Variants in TMIGD3 observed in about 807,000 individuals in gnomAD.
TMIGD3 encodes the protein AD026 protein (AD026).
In TMIGD3, 21 loss-of-function variants were observed where a neutral mutation model predicts 28.1. The ratio of observed to expected loss-of-function variants is 0.75; its 90% CI spans 0.53 to 1.08. The LOEUF (loss-of-function observed/expected upper bound fraction) is 1.08, where lower values mean the gene tolerates loss of function less well. TMIGD3 is among the 50% of genes least tolerant of loss of function. TMIGD3 has a pLI of 0.00. For synonymous variants in TMIGD3, 151 were observed against 162.1 expected (o/e 0.93, Z 0.52); for missense variants, 416 against 435.6 (o/e 0.96, Z 0.40).
At chr1:111,534,220 T>C (rs1656563368) in intron 1 of TMIGD3, among the ~76,000 whole-genome samples, 2 of 152,218 alleles carry the variant, frequency 1.3e-5, no homozygotes, top group Admixed American at 1.3e-4. Flanking sequence ...TATCTTTCAA[T>C]ATTAATACAA....
chr1:111,559,083 A>C (rs531350403), intron 1 of TMIGD3, among the ~76,000 whole-genome samples: 2 of 152,184 alleles, frequency 1.3e-5, no homozygotes, highest in African/African-American at 4.8e-5. Context: ...TTTAAAAAAC[A>C]TGTATTTAAA....
intron 1 of TMIGD3, among the ~76,000 whole-genome samples, chr1:111,544,705 T>C (rs114732168): frequency 6.6e-6 from 1 of 152,160 alleles, no homozygotes; most frequent in Non-Finnish European, 1.5e-5. Context: ...TTTTGAATTA[T>C]ACATTCAAAA....
intron 1 of TMIGD3, among the ~76,000 whole-genome samples, chr1:111,496,101 T>C (rs1654876784): frequency 1.3e-5 from 2 of 152,170 alleles, no homozygotes; most frequent in African/African-American, 4.8e-5. Context: ...ACAACAAACC[T>C]ATGAAATTAC....
chr1:111,509,138 C>G (rs958855240), intron 1 of TMIGD3, among the ~76,000 whole-genome samples: 1 of 152,212 alleles, frequency 6.6e-6, no homozygotes, highest in Non-Finnish European at 1.5e-5. Flanking sequence ...GGGAGCCCAG[C>G]TCCTGGTCTC....
chr1:111,537,437 A>C (rs909615865), intron 1 of TMIGD3, among the ~76,000 whole-genome samples: 1 of 152,246 alleles, frequency 6.6e-6, no homozygotes, highest in Non-Finnish European at 1.5e-5. Context: ...AGCATCTGAC[A>C]TCAGGGCATC....
In TMIGD3 at chr1:111,488,837, C is replaced by T. The variant is rs1654513109; in HGVS notation, c.645G>A (p.Gly215=). 6.2e-7 allele frequency: 1 copy of T among 1,614,080 alleles called. No individual in the cohort carries two copies. The highest frequency in any genetic ancestry group is 1.7e-5 in the Admixed American group (1 of 59,998). ...AGGACATAGTGACAATGAGCTGGTTCCCTGTGTCCCTCAGGGCCACATGAT... is the reference window on the plus strand; with the variant it reads ...AGGACATAGTGACAATGAGCTGGTTTCCTGTGTCCCTCAGGGCCACATGAT... ...STNHVALRDT[G]NQLIVTMSCL... The change falls in exon 3 of 6, where the codon GGG becomes GGA. Residue 215 remains glycine, a synonymous_variant. Coordinates refer to ENST00000369716, the MANE Select transcript of TMIGD3 (RefSeq NM_020683.7).
intron 1 of TMIGD3, among the ~76,000 whole-genome samples, chr1:111,549,278 G>C (rs1448664089): frequency 1.3e-5 from 2 of 148,784 alleles, no homozygotes; most frequent in Admixed American, 1.3e-4. Context: ...AAATTTGGCA[G>C]AATTTATCAG....
intron 1 of TMIGD3, among the ~76,000 whole-genome samples, chr1:111,501,892 T>C (rs1295943940): frequency 6.6e-6 from 1 of 151,504 alleles, no homozygotes; most frequent in East Asian, 1.9e-4. Flanking sequence ...CCCGGGGAAG[T>C]AGATTTCTCC....
chr1:111,530,659 T>C (rs983180830), intron 1 of TMIGD3, among the ~76,000 whole-genome samples: 2 of 152,236 alleles, frequency 1.3e-5, no homozygotes, highest in African/African-American at 4.8e-5. Context: ...TGGTTTACAT[T>C]GTTTCTGACA....
chr1:111,548,621 G>A (rs867885637), intron 1 of TMIGD3, among the ~76,000 whole-genome samples: 4 of 152,166 alleles, frequency 2.6e-5, no homozygotes, highest in East Asian at 3.8e-4. Flanking sequence ...GCTGTTAATC[G>A]TTGATCCTCT....
chr1:111,486,503 T>C (rs1654380413), intron 4 of TMIGD3, 83 bp downstream of exon 4: 3 of 1,018,450 alleles, frequency 2.9e-6, no homozygotes, highest in Non-Finnish European at 4.6e-6. Context: ...GCAAATCAAC[T>C]GTCATATCAT....
intron 1 of TMIGD3, among the ~76,000 whole-genome samples, chr1:111,530,035 G>A (rs894278288): frequency 6.7e-6 from 1 of 149,930 alleles, no homozygotes. Context: ...GGGGCGGCTG[G>A]CCGGGCAGAG....
intron 1 of TMIGD3, among the ~76,000 whole-genome samples, chr1:111,561,896 C>T (rs560573787): frequency 1.3e-5 from 2 of 152,122 alleles, no homozygotes; most frequent in South Asian, 4.2e-4. Flanking sequence ...TTTTTCAACA[C>T]TCCTCCCCAT....
intron 1 of TMIGD3, among the ~76,000 whole-genome samples, chr1:111,545,286 AT>A (rs1290159105): frequency 6.6e-6 from 1 of 151,508 alleles, no homozygotes; most frequent in Non-Finnish European, 1.5e-5. Flanking sequence ...GCCAACACTT[AT>A]TTTTCCTTTT....
chr1:111,546,885 C>T (rs977961273), intron 1 of TMIGD3, among the ~76,000 whole-genome samples: 5 of 152,158 alleles, frequency 3.3e-5, no homozygotes, highest in Admixed American at 6.5e-5. Context: ...TACATTCCTA[C>T]TAGCAGTTCC....
chr1:111,485,938 C>T, intron 4 of TMIGD3, 98 bp from the exon 5 acceptor site: 1 of 868,978 alleles, frequency 1.2e-6, no homozygotes, highest in Non-Finnish European at 1.8e-6. Context: ...CCCCTGCCCA[C>T]CCCCCAACCC....
intron 1 of TMIGD3, among the ~76,000 whole-genome samples, chr1:111,491,299 C>G (rs961089426): frequency 2.0e-5 from 3 of 152,220 alleles, no homozygotes; most frequent in Admixed American, 6.5e-5. Context: ...TGTGGGTGGC[C>G]GCAGTTTGGG....
At chr1:111,503,734 C>T, upstream of TMIGD3, 2 of 1,038,760 alleles carry the variant, frequency 1.9e-6, no homozygotes, top group African/African-American at 1.7e-5. Context: ...ATAAGCAACC[C>T]TCTTCAGGGG....
intron 1 of TMIGD3, among the ~76,000 whole-genome samples, chr1:111,558,409 ACTCCTGGGCTCAAGCAATC>A (rs919159111): frequency 3.3e-5 from 5 of 151,382 alleles, no homozygotes; most frequent in African/African-American, 4.9e-5. Flanking sequence ...CTGGTCTTGA[ACTCCTGGGCTCAAGCAATC>A]CACCTGCCTC....
Sources: allele counts gnomAD v4.1 joint callset (sites outside exome capture counted in the v4.1 genomes callset), GRCh38; gene constraint gnomAD v4.1.1; transcripts MANE v1.5; gene names NCBI Gene and HGNC (gene_info 2026-07-23, HGNC 2026-07-21).